The following MALRD1 variants were observed in gnomAD, a reference collection of about 807,000 sequenced individuals.
MALRD1 encodes MAM and LDL receptor class A domain containing 1.
Under a neutral mutation model 242.1 loss-of-function variants are expected in MALRD1, and 247 were observed. The ratio of observed to expected loss-of-function variants is 1.02; its 90% confidence interval spans 0.92 to 1.13. MALRD1 has a LOEUF of 1.13. Among genes scored for constraint, MALRD1 ranks in the 50% most tolerant of loss-of-function variants. MALRD1 has a pLI of 0.00. For synonymous variants in MALRD1, 995 were observed against 866.6 expected (o/e 1.15, Z -2.60); for missense variants, 2,989 against 2,533.1 (o/e 1.18, Z -3.86).
chr10:19,429,296 G>C (rs758174534), intron 28 of MALRD1, among the ~76,000 whole-genome samples: 12 of 150,960 alleles, frequency 7.9e-5, no homozygotes, highest in Admixed American at 5.2e-4. Flanking sequence ...TAGGCCGGGC[G>C]TGGTGGCTCA....
chr10:19,408,245 A>G (rs1833120656), intron 28 of MALRD1, among the ~76,000 whole-genome samples: 1 of 152,154 alleles, frequency 6.6e-6, no homozygotes, highest in Admixed American at 6.6e-5. Context: ...AGGGAAGGGT[A>G]AGGAATAGGA....
chr10:19,385,767 T>C (rs1846047236), intron 26 of MALRD1, among the ~76,000 whole-genome samples: 1 of 152,100 alleles, frequency 6.6e-6, no homozygotes, highest in Non-Finnish European at 1.5e-5. Context: ...TTTGTTCTGC[T>C]AACTTCGGCC....
intron 7 of MALRD1, among the ~76,000 whole-genome samples, chr10:19,127,298 G>T (rs77470858): frequency 6.6e-6 from 1 of 152,014 alleles, no homozygotes; most frequent in Admixed American, 6.6e-5. Context: ...GTAATTTTTT[G>T]TTGAAAGTCA....
chr10:19,583,947 T>C (rs1459809055), intron 33 of MALRD1, among the ~76,000 whole-genome samples: 2 of 152,186 alleles, frequency 1.3e-5, no homozygotes, highest in Non-Finnish European at 2.9e-5. Context: ...CCTGGTTTAG[T>C]CTTGGGAGAG....
Position 19,595,218 on chromosome 10 carries a change from C to G in MALRD1, c.5705C>G (p.Pro1902Arg), listed in dbSNP as rs530702134. The part of the protein sequence containing the change: ...TGGPVPVQPS[P>R]CEADQFSCIY... ...GGTCCTGTCCCAGTGCAGCCATCAC[C>G]CTGTGAAGCTGATCAGTTTTCTTGT... is the stretch of plus-strand genomic sequence containing the variant. The change falls in exon 34 of 40, where the codon CCC becomes CGC. Residue 1902 changes from proline to arginine, a missense_variant. Coordinates refer to ENST00000454679, the MANE Select transcript of MALRD1 (RefSeq NM_001142308.3). 19 of 1,549,800 alleles carry G rather than the reference C, an allele frequency of 1.2e-5. No individual in the cohort carries two copies. Among genetic ancestry groups the G allele is most frequent in the Non-Finnish European group, 1.7e-5 (19 of 1,146,670 alleles).
At chr10:19,061,471 CAATAAATA>C (rs548995090) in intron 1 of MALRD1, among the ~76,000 whole-genome samples, 2 of 151,608 alleles carry the variant, frequency 1.3e-5, no homozygotes, top group African/African-American at 4.8e-5. Context: ...CTCAAATAAC[CAATAAATA>C]AATAAATAAA....
intron 22 of MALRD1, 78 bp downstream of exon 22, chr10:19,324,183 A>G: frequency 7.4e-7 from 1 of 1,351,418 alleles, no homozygotes; most frequent in Admixed American, 2.3e-5. Context: ...ATTAAAATAT[A>G]TTCTGTTAAT....
chr10:19,052,148 G>A (rs1470467968), intron 1 of MALRD1: 2 of 443,514 alleles, frequency 4.5e-6, no homozygotes, highest in African/African-American at 2.1e-5. Context: ...AAGAGCTTTG[G>A]TGCCTAATGA....
At chr10:19,536,228 A>G (rs752424760) in intron 32 of MALRD1, among the ~76,000 whole-genome samples, 2 of 152,132 alleles carry the variant, frequency 1.3e-5, no homozygotes, top group Non-Finnish European at 2.9e-5. Context: ...TTCCTCCTCT[A>G]TCTTCCTATT....
intron 14 of MALRD1, among the ~76,000 whole-genome samples, chr10:19,180,851 G>C (rs1835472618): frequency 1.3e-5 from 2 of 152,104 alleles, no homozygotes; most frequent in Admixed American, 1.3e-4. Context: ...AATTTATGAA[G>C]ATTTTATACA....
rs576023925 is a variant in MALRD1 at position 19,486,004 on chromosome 10, T to A, written c.5030-5513T>A. Among the ~76,000 whole-genome samples, 34 of 152,228 alleles carry A rather than the reference T, an allele frequency of 2.2e-4. No individual in the cohort carries two copies. The East Asian group carries it at 5.8e-3, about 26-fold the overall frequency. ...ATAAATATAAAGGTAGAGAAAATAT[T>A]GTGTATATGTTATGATTACAAGTAT... On this transcript the variant is annotated intron_variant, in intron 29 of 39. Coordinates refer to ENST00000454679, the MANE Select transcript of MALRD1 (RefSeq NM_001142308.3).
chr10:19,316,939 G>A (rs1842730558), intron 21 of MALRD1, among the ~76,000 whole-genome samples: 1 of 151,498 alleles, frequency 6.6e-6, no homozygotes, highest in African/African-American at 2.4e-5. Context: ...TAACAGAAAG[G>A]ATAAATGCTT....
chr10:19,295,369 CAAGTT>C (rs1433387035), intron 21 of MALRD1, among the ~76,000 whole-genome samples: 2 of 151,804 alleles, frequency 1.3e-5, no homozygotes, highest in African/African-American at 2.4e-5. Context: ...TCTAATTTGA[CAAGTT>C]AAAATAGTAT....
At chr10:19,187,455 A>G (rs1835789401) in intron 14 of MALRD1, among the ~76,000 whole-genome samples, 1 of 152,208 alleles carries the variant, frequency 6.6e-6, no homozygotes, top group Non-Finnish European at 1.5e-5. Context: ...AAAGAAAAGA[A>G]AGAGTGTTCT....
At chr10:19,485,291 C>A (rs1837187210) in intron 29 of MALRD1, among the ~76,000 whole-genome samples, 2 of 152,112 alleles carry the variant, frequency 1.3e-5, no homozygotes, top group Admixed American at 6.6e-5. Flanking sequence ...CTGTACAATT[C>A]ATCATATAAC....
chr10:19,079,499 T>A (rs1364499861), intron 2 of MALRD1, among the ~76,000 whole-genome samples: 1 of 151,912 alleles, frequency 6.6e-6, no homozygotes, highest in Non-Finnish European at 1.5e-5. Flanking sequence ...TAGGTCTAGT[T>A]GGTTTATAGA....
At chr10:19,124,862 G>C (rs1289837616) in intron 7 of MALRD1, among the ~76,000 whole-genome samples, 192 bp downstream of exon 7, 1 of 147,188 alleles carries the variant, frequency 6.8e-6, no homozygotes, top group Non-Finnish European at 1.5e-5. Context: ...AATTATACTA[G>C]GTTAACAATA....
chr10:19,415,644 G>A (rs1342467988), intron 28 of MALRD1, among the ~76,000 whole-genome samples: 1 of 152,060 alleles, frequency 6.6e-6, no homozygotes, highest in Non-Finnish European at 1.5e-5. Flanking sequence ...TCATAAATGT[G>A]CTCTTTTAAG....
chr10:19,380,348 C>T (rs1450085325), intron 26 of MALRD1, among the ~76,000 whole-genome samples: 3 of 151,118 alleles, frequency 2.0e-5, no homozygotes, highest in African/African-American at 7.3e-5. Context: ...GGAAGTATTC[C>T]ACACCATGAG....
Sources: allele counts gnomAD v4.1 joint callset (sites outside exome capture counted in the v4.1 genomes callset), GRCh38; gene constraint gnomAD v4.1.1; transcripts MANE v1.5; gene names NCBI Gene and HGNC (gene_info 2026-07-23, HGNC 2026-07-21).